Variants in RNASE7 observed in about 807,000 individuals in gnomAD.
RNASE7 encodes the protein ribonuclease A family member 7.
For missense variants in RNASE7, 184 were observed against 191.5 expected, an observed-to-expected ratio of 0.96 and a Z score of 0.23; for synonymous variants, 80 against 77.5, an observed-to-expected ratio of 1.03 and a Z score of -0.17.
chr14:21,043,545 C>A lies in RNASE7; in HGVS notation c.*82C>A. Reference sequence around the variant, plus strand: ...ACCACTCCCCTACACCCAGAGCATTCTCTTCCCCTCATCTCTTGGGGCTGT... The same window carrying A: ...ACCACTCCCCTACACCCAGAGCATTATCTTCCCCTCATCTCTTGGGGCTGT... On this transcript the variant is annotated 3_prime_UTR_variant, in exon 2 of 2. Coordinates refer to ENST00000298690, the MANE Select transcript of RNASE7 (RefSeq NM_032572.4). 2 of 942,450 alleles carry A rather than the reference C, an allele frequency of 2.1e-6. No individual in the cohort carries two copies. Among genetic ancestry groups the A allele is most frequent in the Non-Finnish European group, 3.2e-6 (2 of 616,624 alleles). The allele number at this position is 942,450 out of a possible 1,614,324, so 58.4% of individuals were successfully genotyped here.
Position 21,043,071 on chromosome 14 carries a change from A to G in RNASE7, c.79A>G (p.Ser27Gly), listed in dbSNP as rs1035365746. The stretch of plus-strand genomic sequence containing the variant: ...GCTGTGGGTGGCAGAGATCCCAGTC[A>G]GTGCCAAGCCCAAGGGCATGACCTC... Reference protein sequence around the residue: ...LGLWVAEIPVSAKPKGMTSSQ... With the variant: ...LGLWVAEIPVGAKPKGMTSSQ... Residue 27 changes from serine to glycine, a missense_variant, in exon 2 of 2, where the codon AGT becomes GGT. Coordinates refer to ENST00000298690, the MANE Select transcript of RNASE7 (RefSeq NM_032572.4). 8 of 1,614,090 alleles carry G rather than the reference A, an allele frequency of 5.0e-6. No homozygotes were observed. Among genetic ancestry groups the G allele is most frequent in the Non-Finnish European group, 6.8e-6 (8 of 1,180,040 alleles).
Position 21,043,555 on chromosome 14 carries a change from C to A in RNASE7, c.*92C>A. 1.1e-6 allele frequency: 1 copy of A among 878,872 alleles called. No individual in the cohort carries two copies. Among genetic ancestry groups the A allele is most frequent in the Non-Finnish European group, 1.8e-6 (1 of 563,056 alleles). 54.4% of individuals were successfully genotyped at this position (878,872 alleles called of 1,614,324 possible). A position where few individuals can be genotyped will look rare whatever the true frequency, so the allele number is the denominator to read the frequency against. On this transcript the variant is annotated 3_prime_UTR_variant, in exon 2 of 2. Transcript: ENST00000298690. ...TACACCCAGAGCATTCTCTTCCCCT[C>A]ATCTCTTGGGGCTGTTCCTGGTTCA...
chr14:21,043,274 T>C lies in RNASE7; in HGVS notation c.282T>C (p.Asp94=). 6.2e-7 allele frequency: 1 copy of C among 1,614,146 alleles called. No individual in the cohort carries two copies. Among genetic ancestry groups the C allele is most frequent in the Non-Finnish European group, 8.5e-7 (1 of 1,180,026 alleles). ...QTPKIACKNG[D]KNCHQSHGAV... ...CCAAAATAGCCTGCAAGAATGGCGA[T>C]AAAAACTGCCACCAGAGCCACGGGG... Residue 94 remains aspartate, a synonymous_variant, in exon 2 of 2, where the codon GAT becomes GAC. Coordinates refer to ENST00000298690, the MANE Select transcript of RNASE7 (RefSeq NM_032572.4).
intron 1 of RNASE7, 57 bp from the exon 2 acceptor site, chr14:21,042,896 A>G: frequency 1.0e-6 from 1 of 985,970 alleles, no homozygotes; most frequent in Non-Finnish European, 1.5e-6. Flanking sequence ...ATGGGTGACT[A>G]GCTCATATGA....
rs1884939592 is a variant in RNASE7, at chr14:21,042,432, C to G, written c.-51C>G. ...TGAGCAGGAGTCACAGCACGAAGAC[C>G]AAGCGCAAAGGTGAGGCTGTGGCAG... On this transcript the variant is annotated 5_prime_UTR_variant, in exon 1 of 2. Transcript: ENST00000298690. The G allele has an allele frequency of 6.2e-6, 1 of 160,398 alleles. No individual in the cohort carries two copies. Among genetic ancestry groups the G allele is most frequent in the Non-Finnish European group, 1.4e-5 (1 of 72,740 alleles). The allele number at this position is 160,398 out of a possible 1,614,324, so 9.9% of individuals were successfully genotyped here.
In RNASE7 at chr14:21,043,109, T is replaced by G; in HGVS notation, c.117T>G (p.Phe39Leu). Residue 39 changes from phenylalanine (F) to leucine (L), a missense_variant, in exon 2 of 2, where the codon TTT becomes TTG. Phe to Leu is a conservative substitution (Grantham distance 22, BLOSUM62 0). Coordinates refer to ENST00000298690, the MANE Select transcript of RNASE7 (RefSeq NM_032572.4). ...KPKGMTSSQW[F>L]KIQHMQPSPQ... ...AGGGCATGACCTCATCACAGTGGTT[T>G]AAAATTCAGCACATGCAGCCCAGCC... is the stretch of plus-strand genomic sequence containing the variant. 2 of 1,614,132 alleles carry G rather than the reference T, an allele frequency of 1.2e-6. No homozygotes were observed. The highest frequency in any genetic ancestry group is 1.7e-6 in the Non-Finnish European group (2 of 1,180,030).
Position 21,042,982 on chromosome 14 carries a change from TC to T in RNASE7, c.-9del. 6.2e-7 allele frequency: 1 copy of T among 1,609,066 alleles called. No individual in the cohort carries two copies. On this transcript the variant is annotated 5_prime_UTR_variant, in exon 2 of 2. Coordinates refer to ENST00000298690, the MANE Select transcript of RNASE7 (RefSeq NM_032572.4). ...CCCTGCCCTCCATCCTGACTGCTCC[TC>T]CTAAGAGAGATGGCACCGGCCAGAG...
chr14:21,043,406 G>A lies in RNASE7; in HGVS notation c.414G>A (p.Gln138=), dbSNP rs1457526283. Residue 138 remains glutamine, a synonymous_variant, in exon 2 of 2, where the codon CAG becomes CAA. Transcript: ENST00000298690. The part of the protein sequence containing the change: ...KSYVVACKPP[Q]KKDSQQFHLV... Reference sequence around the variant, plus strand: ...ACGTAGTGGCCTGTAAGCCTCCCCAGAAAAAGGACTCTCAGCAATTCCACC... The same window carrying A: ...ACGTAGTGGCCTGTAAGCCTCCCCAAAAAAAGGACTCTCAGCAATTCCACC... 1.2e-6 allele frequency: 2 copies of A among 1,610,346 alleles called. No individual in the cohort carries two copies.
At position 21,043,017 on chromosome 14, in the gene RNASE7, T is replaced by C; in HGVS notation, c.25T>C (p.Cys9Arg). The C allele has an allele frequency of 6.2e-7, 1 of 1,614,018 alleles. No homozygotes were observed. Among genetic ancestry groups the C allele is most frequent in the Non-Finnish European group, 8.5e-7 (1 of 1,179,976 alleles). MAPARAGFCPLLLLLLLGL... is the reference protein window; with the variant it reads MAPARAGFRPLLLLLLLGL... ...GATGGCACCGGCCAGAGCAGGATTCTGCCCCCTTCTGCTGCTTCTGCTGCT... is the reference window on the plus strand; with the variant it reads ...GATGGCACCGGCCAGAGCAGGATTCCGCCCCCTTCTGCTGCTTCTGCTGCT... Residue 9 changes from cysteine to arginine, a missense_variant, in exon 2 of 2, where the codon TGC (cysteine) becomes CGC (arginine). Transcript: ENST00000298690.
rs1174727006 is a variant in RNASE7 at position 21,043,356 on chromosome 14, A to G, written c.364A>G (p.Lys122Glu). Residue 122 changes from lysine to glutamate, a missense_variant, in exon 2 of 2, where the codon AAA becomes GAA. By Grantham distance (56) the Lys-to-Glu change is moderately conservative. Coordinates refer to ENST00000298690, the MANE Select transcript of RNASE7 (RefSeq NM_032572.4). The stretch of plus-strand genomic sequence containing the variant: ...AGGGAAGCATCCGAACTGCAGGTAC[A>G]AAGAGAAGCGACAGAACAAGTCTTA... ...TSGKHPNCRY[K>E]EKRQNKSYVV... The G allele has an allele frequency of 6.2e-7, 1 of 1,614,210 alleles. No homozygotes were observed. The highest frequency in any genetic ancestry group is 1.1e-5 in the South Asian group (1 of 91,088).
chr14:21,042,918 A>G (rs964550285), intron 1 of RNASE7, 35 bp from the exon 2 acceptor site: 13 of 1,280,644 alleles, frequency 1.0e-5, no homozygotes, highest in East Asian at 2.5e-5. Flanking sequence ...CAGGTATAAG[A>G]GGACTAATTT....
In RNASE7 at chr14:21,043,604, G is replaced by C. The variant is rs544483466; in HGVS notation, c.*141G>C. ...CAGCCTCTGCTGGGAGGCTGAAGCT[G>C]ACACTCTGGTGAGCTGAGCTCTAGA... On this transcript the variant is annotated 3_prime_UTR_variant, in exon 2 of 2. Transcript: ENST00000298690. 1 of 648,992 alleles carries C rather than the reference G, an allele frequency of 1.5e-6. No individual in the cohort carries two copies. The highest frequency in any genetic ancestry group is 2.7e-5 in the East Asian group (1 of 36,446). The allele number at this position is 648,992 out of a possible 1,614,324, so 40.2% of individuals were successfully genotyped here.
rs1221446490 is a variant in RNASE7, at chr14:21,042,393, C to T, written c.-90C>T. On this transcript the variant is annotated 5_prime_UTR_variant, in exon 1 of 2. Coordinates refer to ENST00000298690, the MANE Select transcript of RNASE7 (RefSeq NM_032572.4). ...CTGACAGCCTAGGAGTGCGTGGACACCACCTCAGCCCACTGAGCAGGAGTC... is the reference window on the plus strand; with the variant it reads ...CTGACAGCCTAGGAGTGCGTGGACATCACCTCAGCCCACTGAGCAGGAGTC... 6.4e-6 allele frequency: 1 copy of T among 155,130 alleles called. No individual in the cohort carries two copies. Among genetic ancestry groups the T allele is most frequent in the East Asian group, 1.9e-4 (1 of 5,220 alleles). 9.6% of individuals were successfully genotyped at this position (155,130 alleles called of 1,614,324 possible).
Position 21,042,951 on chromosome 14 carries a change from A to G in RNASE7, c.-40-2A>G, listed in dbSNP as rs771749325. The stretch of plus-strand genomic sequence containing the variant: ...TTTCTCAACTGAACACCTCTGTCCC[A>G]GCGACCCCTGCCCTCCATCCTGACT... On this transcript the variant is annotated splice_acceptor_variant, in intron 1 of 1. Transcript: ENST00000298690. LOFTEE classifies it low-confidence loss of function (5UTR_SPLICE). 5 of 1,562,830 alleles carry G rather than the reference A, an allele frequency of 3.2e-6. No homozygotes were observed. In the South Asian group the frequency reaches 6.0e-5, roughly 19 times the overall value.
Position 21,043,375 on chromosome 14 carries a change from A to G in RNASE7, c.383A>G (p.Lys128Arg), listed in dbSNP as rs1884999495. 6.2e-7 allele frequency: 1 copy of G among 1,614,078 alleles called. No individual in the cohort carries two copies. Among genetic ancestry groups the G allele is most frequent in the Non-Finnish European group, 8.5e-7 (1 of 1,180,040 alleles). Reference protein sequence around the residue: ...NCRYKEKRQNKSYVVACKPPQ... With the variant: ...NCRYKEKRQNRSYVVACKPPQ... Reference sequence around the variant, plus strand: ...AGGTACAAAGAGAAGCGACAGAACAAGTCTTACGTAGTGGCCTGTAAGCCT... The same window carrying G: ...AGGTACAAAGAGAAGCGACAGAACAGGTCTTACGTAGTGGCCTGTAAGCCT... The change falls in exon 2 of 2, where the codon AAG becomes AGG. Residue 128 changes from lysine (K) to arginine (R), a missense_variant. Transcript: ENST00000298690.
chr14:21,043,221 T>A lies in RNASE7; in HGVS notation c.229T>A (p.Ser77Thr), dbSNP rs1884988614. Reference sequence around the variant, plus strand: ...CAACACCTTCCTGCACGAGCCTTTCTCCAGTGTGGCCGCCACCTGCCAGAC... The same window carrying A: ...CAACACCTTCCTGCACGAGCCTTTCACCAGTGTGGCCGCCACCTGCCAGAC... Reference protein sequence around the residue: ...DLNTFLHEPFSSVAATCQTPK... With the variant: ...DLNTFLHEPFTSVAATCQTPK... Residue 77 changes from serine to threonine, a missense_variant, in exon 2 of 2, where the codon TCC becomes ACC. Transcript: ENST00000298690. 6.2e-7 allele frequency: 1 copy of A among 1,613,934 alleles called. No homozygotes were observed. The highest frequency in any genetic ancestry group is 1.3e-5 in the African/African-American group (1 of 74,856).
Position 21,043,296 on chromosome 14 carries a change from G to A in RNASE7, c.304G>A (p.Gly102Arg), listed in dbSNP as rs777482032. The change falls in exon 2 of 2, where the codon GGG (glycine) becomes AGG (arginine). Residue 102 changes from glycine (G) to arginine (R), a missense_variant. By Grantham distance (125) the Gly-to-Arg change is moderately radical. Coordinates refer to ENST00000298690, the MANE Select transcript of RNASE7 (RefSeq NM_032572.4). ...NGDKNCHQSH[G>R]AVSLTMCKLT... ...CGATAAAAACTGCCACCAGAGCCAC[G>A]GGGCCGTGTCCCTGACCATGTGTAA... The A allele has an allele frequency of 1.1e-5, 18 of 1,614,008 alleles. No individual in the cohort carries two copies. In the Middle Eastern group the frequency reaches 1.2e-3, roughly 103 times the overall value.
rs1447812565 is a variant in RNASE7, at chr14:21,043,758, A to C, written c.*295A>C. 1.3e-5 allele frequency: 4 copies of C among 319,486 alleles called. No homozygotes were observed. The East Asian group carries it at 2.3e-4, about 19-fold the overall frequency. The allele number at this position is 319,486 out of a possible 1,614,324, so 19.8% of individuals were successfully genotyped here. A position where few individuals can be genotyped will look rare whatever the true frequency, so the allele number is the denominator to read the frequency against. The stretch of plus-strand genomic sequence containing the variant: ...CTCCCCTGCCCCCTGGCATTAGGGC[A>C]GCATGACAAGGAGAGGAAATAAATG... On this transcript the variant is annotated 3_prime_UTR_variant, in exon 2 of 2. Coordinates refer to ENST00000298690, the MANE Select transcript of RNASE7 (RefSeq NM_032572.4).
chr14:21,043,533 A>T lies in RNASE7; in HGVS notation c.*70A>T. The T allele has an allele frequency of 9.8e-7, 1 of 1,023,238 alleles. No individual in the cohort carries two copies. Among genetic ancestry groups the T allele is most frequent in the Non-Finnish European group, 1.5e-6 (1 of 685,982 alleles). 63.4% of individuals were successfully genotyped at this position (1,023,238 alleles called of 1,614,324 possible). A position where few individuals can be genotyped will look rare whatever the true frequency, so the allele number is the denominator to read the frequency against. On this transcript the variant is annotated 3_prime_UTR_variant, in exon 2 of 2. Coordinates refer to ENST00000298690, the MANE Select transcript of RNASE7 (RefSeq NM_032572.4). ...CCAGGACTCCGCACCACTCCCCTAC[A>T]CCCAGAGCATTCTCTTCCCCTCATC...
Sources: gnomAD v4.1 joint callset for allele counts on GRCh38, gnomAD v4.1.1 for gene constraint, MANE v1.5 for transcripts, NCBI Gene and HGNC (gene_info 2026-07-23, HGNC 2026-07-21) for gene names.